The following SIGLEC1 variants were observed in gnomAD, a reference collection of about 807,000 sequenced individuals.
SIGLEC1 encodes sialic acid binding Ig like lectin 1, also known as sialoadhesin.
Under a neutral mutation model 148.0 loss-of-function variants are expected in SIGLEC1, and 132 were observed. The ratio of observed to expected loss-of-function variants is 0.89; its 90% CI spans 0.77 to 1.03. The LOEUF (loss-of-function observed/expected upper bound fraction) is 1.03. Among genes scored for constraint, SIGLEC1 ranks in the 50% least tolerant of loss-of-function variants. SIGLEC1 has a pLI of 0.00. For synonymous variants in SIGLEC1, 945 were observed against 969.0 expected (o/e 0.98, Z 0.46); for missense variants, 2,253 against 2,271.4 (o/e 0.99, Z 0.16).
rs1468250160 is a variant in SIGLEC1, at chr20:3,706,605, C to T, written c.151G>A (p.Val51Met). The change falls in exon 3 of 22, where the codon GTG becomes ATG. Residue 51 changes from valine (V) to methionine (M), a missense_variant. Val to Met is a conservative substitution (Grantham distance 21, BLOSUM62 1). Transcript: ENST00000344754. The stretch of plus-strand genomic sequence containing the variant: ...CAGATGGCCGTGATGCCGTCGGGCA[C>T]CTCCACGTCGGCAGGGAAGCTGAAG... ...CIFSFPADVEVPDGITAIWYY... is the reference protein window; with the variant it reads ...CIFSFPADVEMPDGITAIWYY... The T allele has an allele frequency of 6.2e-7, 1 of 1,608,144 alleles. No homozygotes were observed. The highest frequency in any genetic ancestry group is 2.2e-5 in the East Asian group (1 of 44,630).
At chr20:3,703,089 G>T in intron 6 of SIGLEC1, 108 bp downstream of exon 6, 1 of 1,394,930 alleles carries the variant, frequency 7.2e-7, no homozygotes, top group Non-Finnish European at 9.9e-7. Context: ...CCACCTCCAG[G>T]TAAGTGGCCT....
chr20:3,710,937 A>G lies in SIGLEC1; in HGVS notation c.-110+1533T>C, dbSNP rs6084444. On this transcript the variant is annotated intron_variant, in intron 1 of 21. Transcript: ENST00000344754. The surrounding 1 kb of genome is among the most constrained non-coding windows in gnomAD (Gnocchi z 4.6). ...CTTCAGCCCAGATAACTGTTCTGGA[A>G]ACAGAAAGAGCAGGGACCGCTCAGA... 0.29 allele frequency among the ~76,000 whole-genome samples: 44,355 copies of G among 152,166 alleles called. 7,236 individuals are homozygous for G. Among genetic ancestry groups the G allele is most frequent in the South Asian group, 0.43 (2,051 of 4,810 alleles).
intron 11 of SIGLEC1, among the ~76,000 whole-genome samples, chr20:3,696,093 C>T (rs7275146): frequency 0.17 from 25,755 of 150,180 alleles, 2,324 homozygotes; most frequent in East Asian, 0.33. Context: ...CCATGGTGCC[C>T]GGCCTGAGGG....
At position 3,697,891 on chromosome 20, in the gene SIGLEC1, G is replaced by A. The variant is rs1386476534; in HGVS notation, c.2029C>T (p.His677Tyr). 14 of 1,613,150 alleles carry A rather than the reference G, an allele frequency of 8.7e-6. No homozygotes were observed. Among genetic ancestry groups the A allele is most frequent in the Middle Eastern group, 1.7e-4 (1 of 6,052 alleles). Reference protein sequence around the residue: ...KAPNLLRVEIHNPLLEEEGLY... With the variant: ...KAPNLLRVEIYNPLLEEEGLY... ...CCCTCCTCTTCCAGCAAAGGGTTGT[G>A]AATCTCCACACGCAGCAAGTTGGGG... Residue 677 changes from histidine to tyrosine, a missense_variant, in exon 9 of 22, where the codon CAC (histidine) becomes TAC (tyrosine). Transcript: ENST00000344754.
chr20:3,700,662 A>G (rs1425279289), intron 7 of SIGLEC1, among the ~76,000 whole-genome samples: 1 of 151,408 alleles, frequency 6.6e-6, no homozygotes, highest in African/African-American at 2.4e-5. Context: ...GCACATACCG[A>G]AAGTTGGAAG....
intron 18 of SIGLEC1, among the ~76,000 whole-genome samples, chr20:3,690,743 G>A (rs2088749761): frequency 6.6e-6 from 1 of 152,062 alleles, no homozygotes; most frequent in African/African-American, 2.4e-5. Context: ...GGCTGGAGTG[G>A]GAGACCAAGA....
rs754601996 is a variant in SIGLEC1, at chr20:3,692,198, G to A, written c.4035C>T (p.Ala1345=). Residue 1345 remains alanine, a synonymous_variant, in exon 17 of 22, where the codon GCC becomes GCT. Coordinates refer to ENST00000344754, the MANE Select transcript of SIGLEC1 (RefSeq NM_023068.4). The part of the protein sequence containing the change: ...SRPAALQVLY[A]PQDAVLSSFR... ...AGGAGGACAGGACAGCGTCCTGAGG[G>A]GCATCTGTGGGCAGGCAGGGCACAG... is the stretch of plus-strand genomic sequence containing the variant. The A allele has an allele frequency of 1.3e-6, 2 of 1,539,428 alleles. No homozygotes were observed. The highest frequency in any genetic ancestry group is 2.4e-4 in the Middle Eastern group (1 of 4,196).
intron 2 of SIGLEC1, 41 bp from the exon 3 acceptor site, chr20:3,706,747 CA>C: frequency 6.0e-6 from 9 of 1,501,702 alleles, no homozygotes; most frequent in Non-Finnish European, 7.1e-6. Flanking sequence ...GAGGGTGATA[CA>C]GGCCTCAGGG....
chr20:3,695,753 T>C (rs1236916910), intron 11 of SIGLEC1, among the ~76,000 whole-genome samples: 1 of 152,202 alleles, frequency 6.6e-6, no homozygotes, highest in Admixed American at 6.5e-5. Context: ...GAAACACTCA[T>C]GTTCCTTTGA....
chr20:3,692,112 G>A lies in SIGLEC1; in HGVS notation c.4121C>T (p.Pro1374Leu). The change falls in exon 17 of 22, where the codon CCT (proline) becomes CTT (leucine). Residue 1374 changes from proline to leucine, a missense_variant. By Grantham distance (98) the Pro-to-Leu change is moderately conservative. Coordinates refer to ENST00000344754, the MANE Select transcript of SIGLEC1 (RefSeq NM_023068.4). ...ATCATGAGATAGGGCCAGCTCAGCA[G>A]GTGGCTCACTGTCCACAGTGCACTG... ...VIQCTVDSEPPAELALSHDGK... is the reference protein window; with the variant it reads ...VIQCTVDSEPLAELALSHDGK... 1 of 1,607,394 alleles carries A rather than the reference G, an allele frequency of 6.2e-7. No individual in the cohort carries two copies. Among genetic ancestry groups the A allele is most frequent in the Non-Finnish European group, 8.5e-7 (1 of 1,178,486 alleles).
chr20:3,692,791 G>A lies in SIGLEC1; in HGVS notation c.3779-19C>T. ...CGCACACCTGTGCCAAGGAGGCCAG[G>A]ATCAGCCGGGCCCAGCCGGACACCA... is the stretch of plus-strand genomic sequence containing the variant. On this transcript the variant is annotated intron_variant, in intron 15 of 21. Transcript: ENST00000344754. The A allele has an allele frequency of 6.2e-7, 1 of 1,604,110 alleles. No homozygotes were observed. Among genetic ancestry groups the A allele is most frequent in the East Asian group, 2.2e-5 (1 of 44,724 alleles).
chr20:3,706,200 C>T lies in SIGLEC1; in HGVS notation c.409+147G>A, dbSNP rs1739526445. On this transcript the variant is annotated intron_variant, in intron 3 of 21. Coordinates refer to ENST00000344754, the MANE Select transcript of SIGLEC1 (RefSeq NM_023068.4). The stretch of plus-strand genomic sequence containing the variant: ...CCACTTGGGTGAATACAAGGGAGAA[C>T]CAGGCCTGGGCCTACGCCGGGGCTG... 6.8e-6 allele frequency: 9 copies of T among 1,327,316 alleles called. No homozygotes were observed. In the South Asian group the frequency reaches 1.0e-4, roughly 15 times the overall value. 82.2% of individuals were successfully genotyped at this position (1,327,316 alleles called of 1,614,324 possible).
chr20:3,688,418 G>A lies in SIGLEC1; in HGVS notation c.*142C>T, dbSNP rs1413216105. ...TTTTTGGGGGGGCAAGAGGCTTGGG[G>A]CCAGGTCATAAAAAGTCAGATGTCA... On this transcript the variant is annotated 3_prime_UTR_variant, in exon 22 of 22. Coordinates refer to ENST00000344754, the MANE Select transcript of SIGLEC1 (RefSeq NM_023068.4). 4 of 765,112 alleles carry A rather than the reference G, an allele frequency of 5.2e-6. No homozygotes were observed. The highest frequency in any genetic ancestry group is 2.7e-5 in the East Asian group (1 of 36,426). The allele number at this position is 765,112 out of a possible 1,614,324, so 47.4% of individuals were successfully genotyped here.
intron 20 of SIGLEC1, 129 bp from the exon 21 acceptor site, chr20:3,689,356 C>G: frequency 6.1e-6 from 5 of 819,192 alleles, no homozygotes; most frequent in Admixed American, 1.9e-5. Context: ...TGGGTGCTTC[C>G]TCTGTCTTCC....
In SIGLEC1 at chr20:3,688,399, G is replaced by T. The variant is rs1031548575; in HGVS notation, c.*161C>A. ...GCAGACCTCTCACCACCCATTTTTG[G>T]GGGGGCAAGAGGCTTGGGGCCAGGT... On this transcript the variant is annotated 3_prime_UTR_variant, in exon 22 of 22. Transcript: ENST00000344754. The T allele has an allele frequency of 1.1e-5, 8 of 696,440 alleles. No homozygotes were observed. Among genetic ancestry groups the T allele is most frequent in the East Asian group, 1.1e-4 (4 of 35,832 alleles). The allele number at this position is 696,440 out of a possible 1,614,324, so 43.1% of individuals were successfully genotyped here. A position where few individuals can be genotyped will look rare whatever the true frequency, so the allele number is the denominator to read the frequency against.
In SIGLEC1 at chr20:3,692,431, C is replaced by T. The variant is rs937819308; in HGVS notation, c.4030+90G>A. On this transcript the variant is annotated intron_variant, in intron 16 of 21. Coordinates refer to ENST00000344754, the MANE Select transcript of SIGLEC1 (RefSeq NM_023068.4). ...CCCCAACTGCCCATTCCTGGGCCCA[C>T]TGCAGTCCTTTGCCCACTCCCACCA... 4 of 1,420,402 alleles carry T rather than the reference C, an allele frequency of 2.8e-6. No homozygotes were observed. In the African/African-American group the frequency reaches 5.7e-5, roughly 20 times the overall value. 88.0% of individuals were successfully genotyped at this position (1,420,402 alleles called of 1,614,324 possible).
Position 3,697,113 on chromosome 20 carries a change from G to C in SIGLEC1, c.2352C>G (p.Leu784=). ...CRILTEAGAQ[L]STPVLLSVLY... ...GTACACTCAGGAGCACGGGAGTGGA[G>C]AGCTGGGCACCAGCCTCAGTCAGGA... The change falls in exon 10 of 22, where the codon CTC becomes CTG. Residue 784 remains leucine, a synonymous_variant. Coordinates refer to ENST00000344754, the MANE Select transcript of SIGLEC1 (RefSeq NM_023068.4). The C allele has an allele frequency of 6.2e-7, 1 of 1,612,892 alleles. No homozygotes were observed. The highest frequency in any genetic ancestry group is 8.5e-7 in the Non-Finnish European group (1 of 1,180,004).
At chr20:3,709,652 G>A (rs1489192628) in intron 1 of SIGLEC1, among the ~76,000 whole-genome samples, 3 of 152,204 alleles carry the variant, frequency 2.0e-5, no homozygotes, top group Non-Finnish European at 2.9e-5. Flanking sequence ...CCACTAAAAG[G>A]TGGAAACAGG....
rs773114464 is a variant in SIGLEC1, at chr20:3,703,320, C to T, written c.1105G>A (p.Asp369Asn). Residue 369 changes from aspartate (D) to asparagine (N), a missense_variant, in exon 6 of 22, where the codon GAT becomes AAT. Transcript: ENST00000344754. ...SWYKNHVLLE[D>N]AHSHTLRLHL... is the part of the protein sequence containing the mutation. Reference sequence around the variant, plus strand: ...AGCCGGAGGGTATGGGAGTGGGCATCCTCCAGCAGGACATGGTTCTTGTAC... The same window carrying T: ...AGCCGGAGGGTATGGGAGTGGGCATTCTCCAGCAGGACATGGTTCTTGTAC... The T allele has an allele frequency of 6.2e-7, 1 of 1,614,162 alleles. No homozygotes were observed. The highest frequency in any genetic ancestry group is 1.7e-5 in the Admixed American group (1 of 60,026).
Sources: allele counts gnomAD v4.1 joint callset (sites outside exome capture counted in the v4.1 genomes callset), GRCh38; gene constraint gnomAD v4.1.1; non-coding constraint Gnocchi (gnomAD v3.1); transcripts MANE v1.5; gene names NCBI Gene and HGNC (gene_info 2026-07-23, HGNC 2026-07-21).